Variants in AFG2A observed in about 807,000 individuals in gnomAD.
AFG2A encodes AAA ATPase AFG2A.
At chr4:123,194,471 C>T in the AFG2A span, among the ~76,000 whole-genome samples, 1 of 152,130 alleles carries the variant, frequency 6.6e-6, no homozygotes, top group African/African-American at 2.4e-5. Flanking sequence ...CTGAAGCCTC[C>T]ATATTTTTTA....
At chr4:122,969,237 C>T in the AFG2A span, among the ~76,000 whole-genome samples, 4 of 151,852 alleles carry the variant, frequency 2.6e-5, no homozygotes, top group Admixed American at 2.6e-4. Context: ...GGTATATTTT[C>T]TCTTACCTTC....
chr4:123,220,721 T>A, the AFG2A span, among the ~76,000 whole-genome samples: 1 of 152,130 alleles, frequency 6.6e-6, no homozygotes, highest in African/African-American at 2.4e-5. Context: ...TTGCTAGTGA[T>A]TTTTAGCAGT....
the AFG2A span, among the ~76,000 whole-genome samples, chr4:123,290,859 A>T: frequency 6.6e-6 from 1 of 152,166 alleles, no homozygotes; most frequent in Non-Finnish European, 1.5e-5. Context: ...GTGGGGACAC[A>T]GCCTCAATGA....
the AFG2A span, among the ~76,000 whole-genome samples, chr4:123,089,656 C>G: frequency 6.6e-6 from 1 of 152,066 alleles, no homozygotes; most frequent in Non-Finnish European, 1.5e-5. Flanking sequence ...GTGATCTCCG[C>G]CCACTGCAAC....
chr4:123,102,939 A>G, the AFG2A span, among the ~76,000 whole-genome samples: 1 of 151,948 alleles, frequency 6.6e-6, no homozygotes, highest in Non-Finnish European at 1.5e-5. Context: ...TTCATAAAAC[A>G]TGAAGAGTTT....
chr4:123,084,749 C>T, the AFG2A span, among the ~76,000 whole-genome samples: 2 of 151,912 alleles, frequency 1.3e-5, no homozygotes, highest in Non-Finnish European at 2.9e-5. Context: ...CTGTCTCAGC[C>T]TCCCAACTAG....
chr4:123,120,925 G>T, the AFG2A span, among the ~76,000 whole-genome samples: 4 of 152,088 alleles, frequency 2.6e-5, no homozygotes, highest in Non-Finnish European at 5.9e-5. Flanking sequence ...GCCTCAGGCA[G>T]GTCCTACAGG....
At chr4:123,026,965 T>TA in the AFG2A span, among the ~76,000 whole-genome samples, 1 of 152,192 alleles carries the variant, frequency 6.6e-6, no homozygotes, top group African/African-American at 2.4e-5. Context: ...TCCTGAATAT[T>TA]ACCCTAGATA....
chr4:123,118,652 T>G, the AFG2A span, among the ~76,000 whole-genome samples: 1 of 151,888 alleles, frequency 6.6e-6, no homozygotes, highest in Non-Finnish European at 1.5e-5. Flanking sequence ...TGTGCTGGTT[T>G]GTTGTAAAAG....
At chr4:123,180,013 C>G in the AFG2A span, among the ~76,000 whole-genome samples, 2 of 152,034 alleles carry the variant, frequency 1.3e-5, no homozygotes, top group Non-Finnish European at 2.9e-5. Context: ...TGAGGTAAGG[C>G]ATTCGAGACC....
At chr4:123,001,558 T>A in the AFG2A span, among the ~76,000 whole-genome samples, 30 of 151,882 alleles carry the variant, frequency 2.0e-4, no homozygotes, top group Admixed American at 6.6e-4. Context: ...CATTTCGTTA[T>A]GTACCCAGTA....
At chr4:123,015,097 C>T in the AFG2A span, among the ~76,000 whole-genome samples, 1 of 152,118 alleles carries the variant, frequency 6.6e-6, no homozygotes, top group African/African-American at 2.4e-5. Flanking sequence ...TAGCACTTCA[C>T]ATTTTTACTT....
the AFG2A span, among the ~76,000 whole-genome samples, chr4:123,004,860 G>T: frequency 6.6e-6 from 1 of 152,062 alleles, no homozygotes. Flanking sequence ...TTCATTATTT[G>T]GAAGGCTTAT....
the AFG2A span, among the ~76,000 whole-genome samples, chr4:123,300,366 A>ATATAATT: frequency 4.6e-5 from 7 of 152,260 alleles, no homozygotes; most frequent in African/African-American, 1.7e-4. Flanking sequence ...TACCTCACAT[A>ATATAATT]TATAATTTTT....
At chr4:123,004,457 C>T in the AFG2A span, among the ~76,000 whole-genome samples, 1 of 152,188 alleles carries the variant, frequency 6.6e-6, no homozygotes, top group Non-Finnish European at 1.5e-5. Flanking sequence ...CTTGGCTCCT[C>T]CCCACTATTT....
the AFG2A span, among the ~76,000 whole-genome samples, chr4:123,210,508 A>G: frequency 2.0e-5 from 3 of 152,296 alleles, no homozygotes; most frequent in East Asian, 5.8e-4. Flanking sequence ...TGTTGTCAAA[A>G]CATAACAGAC....
the AFG2A span, among the ~76,000 whole-genome samples, chr4:123,277,684 A>G: frequency 1.3e-5 from 2 of 152,294 alleles, no homozygotes; most frequent in African/African-American, 4.8e-5. Context: ...TTTTTAAATG[A>G]AGCATTGTTG....
At chr4:123,191,479 A>G in the AFG2A span, among the ~76,000 whole-genome samples, 1 of 152,070 alleles carries the variant, frequency 6.6e-6, no homozygotes. Flanking sequence ...AGCTCATGTG[A>G]GTGAGTAGAT....
At chr4:123,142,214 T>G in the AFG2A span, among the ~76,000 whole-genome samples, 17 of 152,314 alleles carry the variant, frequency 1.1e-4, no homozygotes, top group East Asian at 5.8e-4. Context: ...GAACAATACC[T>G]TATTACATAG....
Sources: allele counts gnomAD v4.1 joint callset (sites outside exome capture counted in the v4.1 genomes callset), GRCh38; gene constraint gnomAD v4.1.1; transcripts MANE v1.5; gene names NCBI Gene and HGNC (gene_info 2026-07-23, HGNC 2026-07-21).